The following CLIP1 variants were observed in gnomAD, a reference collection of about 807,000 sequenced individuals.
CLIP1 encodes CAP-Gly domain-containing linker protein 1.
CLIP1 carries 66 observed loss-of-function variants against 161.6 expected under a neutral mutation model. The observed-to-expected ratio is 0.41, with a 90% CI of 0.33 to 0.50. The LOEUF is 0.50. Ranked by LOEUF, CLIP1 falls within the 20% of genes least tolerant of loss-of-function variation. The pLI is 0.27. For missense variants in CLIP1, 1,376 were observed against 1,702.0 expected (o/e 0.81, Z 3.37); for synonymous variants, 598 against 626.2 (o/e 0.96, Z 0.67).
chr12:122,400,475 C>CTACTGCCACGCGCAGCA (rs1956104307), intron 1 of CLIP1: 1 of 152,296 alleles, frequency 6.6e-6, no homozygotes. Flanking sequence ...GCCCCATACG[C>CTACTGCCACGCGCAGCA]TACTGCCACG....
intron 1 of CLIP1, among the ~76,000 whole-genome samples, chr12:122,387,901 T>C (rs1009959344): frequency 7.9e-5 from 12 of 151,984 alleles, no homozygotes; most frequent in African/African-American, 2.9e-4. Context: ...TTATTTCTAA[T>C]GAATTAATAT....
At chr12:122,336,930 CTA>C (rs1160058985) in intron 11 of CLIP1, among the ~76,000 whole-genome samples, 182 bp from the exon 12 acceptor site, 1 of 150,444 alleles carries the variant, frequency 6.6e-6, no homozygotes, top group Non-Finnish European at 1.5e-5. Flanking sequence ...ACAATCAGTT[CTA>C]TGATATGATT....
intron 20 of CLIP1, among the ~76,000 whole-genome samples, chr12:122,294,785 C>A (rs1950405906): frequency 6.6e-6 from 1 of 151,156 alleles, no homozygotes; most frequent in South Asian, 2.1e-4. Context: ...TGCAGTGCCT[C>A]ACGTCTGTAA....
At chr12:122,332,893 C>T (rs1469139244) in intron 15 of CLIP1, 94 bp downstream of exon 15, 5 of 989,156 alleles carry the variant, frequency 5.1e-6, no homozygotes, top group African/African-American at 1.6e-5. Flanking sequence ...AACTTTAAAA[C>T]GTAACAATCC....
chr12:122,307,465 G>C (rs1262273513), intron 20 of CLIP1, among the ~76,000 whole-genome samples: 2 of 152,158 alleles, frequency 1.3e-5, no homozygotes, highest in East Asian at 1.9e-4. Flanking sequence ...TAGGTCGTGG[G>C]TCAGTACTTA....
chr12:122,361,213 A>C, intron 4 of CLIP1, 32 bp from the exon 5 acceptor site: 1 of 1,525,010 alleles, frequency 6.6e-7, no homozygotes, highest in East Asian at 2.3e-5. Context: ...ATAACAAAAA[A>C]CAACTTAATC....
At chr12:122,419,976 A>G (rs1387281047) in intron 1 of CLIP1, among the ~76,000 whole-genome samples, 3 of 150,698 alleles carry the variant, frequency 2.0e-5, no homozygotes, top group Non-Finnish European at 4.4e-5. Flanking sequence ...GAGTTAGTTC[A>G]TGTCCCTTAT....
In CLIP1 at chr12:122,341,584, C is replaced by A; in HGVS notation, c.1620G>T (p.Gly540=). The A allele has an allele frequency of 6.2e-7, 1 of 1,613,850 alleles. No homozygotes were observed. Among genetic ancestry groups the A allele is most frequent in the Non-Finnish European group, 8.5e-7 (1 of 1,180,024 alleles). The change falls in exon 11 of 26, where the codon GGG becomes GGT. Residue 540 remains glycine, a synonymous_variant. Transcript: ENST00000620786. ...RRRLESNKPA[G]DVDMSLSLLQ... The stretch of plus-strand genomic sequence containing the variant: ...AAAGGGAAAGTGACATGTCCACATC[C>A]CCAGCAGGCTTATTGGACTCTAGCC...
chr12:122,345,124 C>T (rs144973939), intron 10 of CLIP1, among the ~76,000 whole-genome samples: 65 of 152,090 alleles, frequency 4.3e-4, no homozygotes, highest in African/African-American at 1.4e-3. Flanking sequence ...ATTGTATTTC[C>T]CGGATCAATT....
intron 9 of CLIP1, among the ~76,000 whole-genome samples, chr12:122,350,651 G>C (rs956368495): frequency 6.6e-6 from 1 of 151,514 alleles, no homozygotes; most frequent in African/African-American, 2.4e-5. Context: ...CGGGACAGCA[G>C]CCAGCCTCAC....
intron 1 of CLIP1, among the ~76,000 whole-genome samples, chr12:122,390,292 A>ACG: frequency 7.5e-6 from 1 of 132,842 alleles, no homozygotes; most frequent in African/African-American, 2.8e-5. Context: ...ATATATATAT[A>ACG]TATATATATA....
At chr12:122,351,232 T>C (rs1953023213) in intron 8 of CLIP1, 89 bp from the exon 9 acceptor site, 1 of 795,516 alleles carries the variant, frequency 1.3e-6, no homozygotes, top group Admixed American at 3.1e-5. Flanking sequence ...CAAGATAACT[T>C]TATTTGATTA....
intron 5 of CLIP1, among the ~76,000 whole-genome samples, chr12:122,359,351 G>A (rs902627771): frequency 2.0e-5 from 3 of 152,140 alleles, no homozygotes; most frequent in Admixed American, 6.5e-5. Context: ...AGAGATTGGC[G>A]GGAGCAGGGA....
intron 11 of CLIP1, 114 bp downstream of exon 11, chr12:122,340,639 G>A (rs1952454295): frequency 2.4e-6 from 2 of 819,006 alleles, no homozygotes; most frequent in East Asian, 2.6e-5. Flanking sequence ...GGGACATCAA[G>A]CAATTTAATT....
chr12:122,295,600 C>G (rs1454466662), intron 20 of CLIP1, among the ~76,000 whole-genome samples: 1 of 152,172 alleles, frequency 6.6e-6, no homozygotes, highest in Non-Finnish European at 1.5e-5. Context: ...TTGGATGGAG[C>G]AATCTGCAGA....
intron 5 of CLIP1, among the ~76,000 whole-genome samples, chr12:122,359,355 G>A (rs1032594606): frequency 2.4e-4 from 37 of 152,154 alleles, no homozygotes; most frequent in African/African-American, 8.4e-4. Context: ...ATTGGCGGGA[G>A]CAGGGAGAGC....
chr12:122,338,014 CAA>C (rs546569199), intron 11 of CLIP1, among the ~76,000 whole-genome samples: 4 of 111,184 alleles, frequency 3.6e-5, no homozygotes, highest in Non-Finnish European at 1.9e-5. Context: ...GACTCTGTCT[CAA>C]AAAAAAAAAA....
chr12:122,417,508 G>A (rs1470754038), intron 1 of CLIP1, among the ~76,000 whole-genome samples: 2 of 99,808 alleles, frequency 2.0e-5, no homozygotes, highest in Non-Finnish European at 3.6e-5. Context: ...AAATTATTCT[G>A]CCTTTTTTTT....
Position 122,279,130 on chromosome 12 carries a change from T to C in CLIP1, c.3663A>G (p.Ile1221Met). The C allele has an allele frequency of 6.2e-7, 1 of 1,612,218 alleles. No homozygotes were observed. Among genetic ancestry groups the C allele is most frequent in the Non-Finnish European group, 8.5e-7 (1 of 1,179,236 alleles). Residue 1221 changes from isoleucine (I) to methionine (M), a missense_variant, in exon 22 of 26, where the codon ATA becomes ATG. Physicochemically the swap from Ile to Met is conservative, Grantham distance 10. Around this residue, in one of 6 missense-constraint regions of CLIP1, gnomAD observed 948 missense variants for 1,134.8 expected, o/e 0.84. Coordinates refer to ENST00000620786, the MANE Select transcript of CLIP1 (RefSeq NM_001247997.2). The surrounding 1 kb of genome is among the most constrained non-coding windows in gnomAD (Gnocchi z 4.5). Reference protein sequence around the residue: ...LEMKKRESKFIKDADEEKASL... With the variant: ...LEMKKRESKFMKDADEEKASL... ...AAGCTTTCTCTTCATCTGCGTCTTT[T>C]ATGAACTTGGATTCTCTAAAAGACC... is the stretch of plus-strand genomic sequence containing the variant.
Sources: gnomAD v4.1 joint callset for allele counts (sites outside exome capture counted in the v4.1 genomes callset) on GRCh38, gnomAD v4.1.1 for gene constraint, gnomAD v4.1.1 regional missense constraint, Gnocchi (gnomAD v3.1) non-coding constraint, MANE v1.5 for transcripts, NCBI Gene and HGNC (gene_info 2026-07-23, HGNC 2026-07-21) for gene names.